Variants in CFAP97 observed in about 807,000 individuals in gnomAD.
CFAP97 encodes cilia- and flagella-associated protein 97.
Under a neutral mutation model 43.1 loss-of-function variants are expected in CFAP97, and 36 were observed. The ratio of observed to expected loss-of-function variants is 0.84; its 90% CI spans 0.64 to 1.10. The LOEUF is 1.10. Ranked by LOEUF, CFAP97 falls within the 50% of genes least tolerant of loss-of-function variation. CFAP97 has a pLI of 0.00. For synonymous variants in CFAP97, 228 were observed against 225.7 expected (o/e 1.01, Z -0.09); for missense variants, 657 against 620.3 (o/e 1.06, Z -0.63).
rs1737352647 is a variant in CFAP97 at position 185,209,207 on chromosome 4, G to A, written c.-74+118C>T. 1 of 152,226 alleles carries A rather than the reference G, an allele frequency of 6.6e-6. No individual in the cohort carries two copies. Among genetic ancestry groups the A allele is most frequent in the South Asian group, 2.1e-4 (1 of 4,838 alleles). The allele number at this position is 152,226 out of a possible 1,614,324, so 9.4% of individuals were successfully genotyped here. ...GTTAGAAACTGTGACAGGGAGTCTC[G>A]GGAACGGTTGCCTATTTAAATAGCG... On this transcript the variant is annotated intron_variant, in intron 1 of 2. Coordinates refer to the CFAP97 transcript ENST00000503223. This position sits in a 1 kb window ranked among gnomAD's most constrained non-coding sequence, Gnocchi z 5.2.
At position 185,169,916 on chromosome 4, in the gene CFAP97, C is replaced by T. The variant is rs1467562379; in HGVS notation, c.1321-5737G>A. On this transcript the variant is annotated intron_variant, in intron 3 of 4. Transcript: ENST00000458385. ...GGAAACCCCAATGAAGTAAAGTATA[C>T]ATTATTTCAAGATCTTAGAACAAAA... 6 of 992,640 alleles carry T rather than the reference C, an allele frequency of 6.0e-6. No homozygotes were observed. In the African/African-American group the frequency reaches 1.0e-4, roughly 17 times the overall value. 61.5% of individuals were successfully genotyped at this position (992,640 alleles called of 1,614,324 possible).
chr4:185,184,272 C>T (rs1477457097), intron 2 of CFAP97, among the ~76,000 whole-genome samples: 1 of 152,192 alleles, frequency 6.6e-6, no homozygotes, highest in African/African-American at 2.4e-5. Context: ...CTCTCTTGGA[C>T]AAAGTTGGCT....
chr4:185,167,201 T>C (rs1396663208), intron 3 of CFAP97, among the ~76,000 whole-genome samples: 1 of 152,160 alleles, frequency 6.6e-6, no homozygotes, highest in Non-Finnish European at 1.5e-5. Flanking sequence ...GTGCAGTGGC[T>C]TACATCTGTA....
At chr4:185,208,200 C>T (rs972274684), upstream of CFAP97, among the ~76,000 whole-genome samples, 17 of 152,022 alleles carry the variant, frequency 1.1e-4, no homozygotes, top group South Asian at 6.2e-4. Context: ...CCTCCACCTC[C>T]GGGGTTCAAG....
chr4:185,165,209 G>C (rs1472729433), intron 3 of CFAP97, among the ~76,000 whole-genome samples: 1 of 152,202 alleles, frequency 6.6e-6, no homozygotes, highest in African/African-American at 2.4e-5. Context: ...GCACTTTGGG[G>C]AGCCCGGGGC....
Position 185,159,793 on chromosome 4 carries a change from A to G in CFAP97, c.*3005T>C, listed in dbSNP as rs1734813149. On this transcript the variant is annotated 3_prime_UTR_variant, in exon 5 of 5. Transcript: ENST00000458385. Reference sequence around the variant, plus strand: ...AAGTTTCTTACTAATCTTTCCTCATAGAAATAAAGAAGCCATAACTGTTAA... The same window carrying G: ...AAGTTTCTTACTAATCTTTCCTCATGGAAATAAAGAAGCCATAACTGTTAA... 1 of 152,252 alleles carries G rather than the reference A, an allele frequency of 6.6e-6. No homozygotes were observed. The highest frequency in any genetic ancestry group is 1.5e-5 in the Non-Finnish European group (1 of 68,036). 9.4% of individuals were successfully genotyped at this position (152,252 alleles called of 1,614,324 possible).
chr4:185,170,336 A>G (rs1277626170), intron 3 of CFAP97: 2 of 571,658 alleles, frequency 3.5e-6, no homozygotes, highest in Admixed American at 6.0e-5. Flanking sequence ...ACAGAGCGAG[A>G]TAGTCTAAAT....
At chr4:185,181,481 A>C (rs1735786650) in intron 2 of CFAP97, among the ~76,000 whole-genome samples, 1 of 151,602 alleles carries the variant, frequency 6.6e-6, no homozygotes, top group Non-Finnish European at 1.5e-5. Context: ...ATGTGCCACC[A>C]CGCACGGCTA....
At chr4:185,163,708 T>A (rs545058046) in intron 4 of CFAP97, among the ~76,000 whole-genome samples, 1 of 152,304 alleles carries the variant, frequency 6.6e-6, no homozygotes, top group South Asian at 2.1e-4. Context: ...CTAAGGAGAA[T>A]GTTTTAGCAG....
intron 2 of CFAP97, among the ~76,000 whole-genome samples, chr4:185,181,791 A>G (rs1305749382): frequency 6.6e-6 from 1 of 152,174 alleles, no homozygotes; most frequent in Non-Finnish European, 1.5e-5. Flanking sequence ...TGTTGAGGGC[A>G]TTGAGATTTC....
chr4:185,207,791 G>T (rs1341589025), upstream of CFAP97: 2 of 151,524 alleles, frequency 1.3e-5, no homozygotes, highest in Non-Finnish European at 2.9e-5. Context: ...CATCGGGGTT[G>T]CTGGGAAGAT....
chr4:185,199,296 C>T (rs1474064036), intron 1 of CFAP97, among the ~76,000 whole-genome samples: 1 of 152,074 alleles, frequency 6.6e-6, no homozygotes, highest in Non-Finnish European at 1.5e-5. Flanking sequence ...TAGGTTGAAC[C>T]CAGGAGGCAG....
At chr4:185,204,532 C>T (rs1737101351), upstream of CFAP97, 2 of 152,194 alleles carry the variant, frequency 1.3e-5, no homozygotes, top group South Asian at 4.1e-4. Flanking sequence ...ACAATAACTT[C>T]TCGTTGAACT....
intron 3 of CFAP97, 130 bp downstream of exon 3, chr4:185,175,656 C>G (rs1735486165): frequency 1.3e-6 from 1 of 781,058 alleles, no homozygotes; most frequent in Non-Finnish European, 2.1e-6. Flanking sequence ...ATGTTTCATA[C>G]CACACATACC....
chr4:185,171,810 C>T lies in CFAP97; in HGVS notation c.1320+3976G>A, dbSNP rs142472191. 4.2e-3 allele frequency among the ~76,000 whole-genome samples: 634 copies of T among 152,292 alleles called. 4 individuals carry two copies. The highest frequency in any genetic ancestry group is 0.014 in the African/African-American group (596 of 41,550). The stretch of plus-strand genomic sequence containing the variant: ...AGGCAGAGGTGGAGTGATCACGGCT[C>T]TCTGCAGCCTTGACCTCCCAGGCCC... On this transcript the variant is annotated intron_variant, in intron 3 of 4. Transcript: ENST00000458385.
At chr4:185,188,029 T>A (rs2111380097) in intron 2 of CFAP97, among the ~76,000 whole-genome samples, 1 of 152,078 alleles carries the variant, frequency 6.6e-6, no homozygotes, top group Admixed American at 6.5e-5. Context: ...CCTGAGTAGC[T>A]GGGACTATAG....
intron 3 of CFAP97, chr4:185,169,586 T>C (rs1735211977): frequency 1.0e-6 from 1 of 979,212 alleles, no homozygotes; most frequent in Non-Finnish European, 1.2e-6. Context: ...AAACATTTAT[T>C]TTATATCCAG....
chr4:185,196,401 C>T (rs1736545866), intron 1 of CFAP97, among the ~76,000 whole-genome samples: 1 of 150,088 alleles, frequency 6.7e-6, no homozygotes, highest in African/African-American at 2.5e-5. Flanking sequence ...TTGAACCTGG[C>T]AGGCGGAGGT....
intron 1 of CFAP97, among the ~76,000 whole-genome samples, chr4:185,197,618 G>A (rs1736616381): frequency 6.6e-6 from 1 of 152,038 alleles, no homozygotes; most frequent in South Asian, 2.1e-4. Context: ...AGTAGAGATG[G>A]GGTTTCACCG....
Sources: gnomAD v4.1 joint callset for allele counts (sites outside exome capture counted in the v4.1 genomes callset) on GRCh38, gnomAD v4.1.1 for gene constraint, Gnocchi (gnomAD v3.1) non-coding constraint, MANE v1.5 for transcripts, NCBI Gene and HGNC (gene_info 2026-07-23, HGNC 2026-07-21) for gene names.